The following ARRDC1 variants were observed in gnomAD, a reference collection of about 807,000 sequenced individuals.
ARRDC1 encodes arrestin domain containing 1.
Under a neutral mutation model 40.1 loss-of-function variants are expected in ARRDC1, and 37 were observed. The observed-to-expected ratio is 0.92, with a 90% confidence interval of 0.71 to 1.21. ARRDC1 has a LOEUF of 1.21. Among genes scored for constraint, ARRDC1 ranks in the 50% most tolerant of loss-of-function variants. The pLI is 0.00. For missense variants in ARRDC1, 641 were observed against 581.9 expected (o/e 1.10, Z -1.04); for synonymous variants, 310 against 262.5 (o/e 1.18, Z -1.75).
Position 137,615,348 on chromosome 9 carries a change from CTT to C in ARRDC1, c.*212_*213del. On this transcript the variant is annotated 3_prime_UTR_variant, in exon 8 of 8. Transcript: ENST00000371421. ...AGAGACAACTCCTGTAAATAAAACACTTTATTTGTAGAGCTGGGCCTCACCGG... is the reference window on the plus strand; with the variant it reads ...AGAGACAACTCCTGTAAATAAAACACTATTTGTAGAGCTGGGCCTCACCGG... 3.6e-6 allele frequency: 2 copies of C among 559,162 alleles called. No individual in the cohort carries two copies. The highest frequency in any genetic ancestry group is 6.0e-6 in the Non-Finnish European group (2 of 331,702). 34.6% of individuals were successfully genotyped at this position (559,162 alleles called of 1,614,324 possible). A position where few individuals can be genotyped will look rare whatever the true frequency, so the allele number is the denominator to read the frequency against.
At chr9:137,608,586 C>T (rs1485653114) in intron 1 of ARRDC1, among the ~76,000 whole-genome samples, 1 of 152,252 alleles carries the variant, frequency 6.6e-6, no homozygotes, top group Non-Finnish European at 1.5e-5. Flanking sequence ...GCTCTGGCTT[C>T]TCCGTGGGCA....
At chr9:137,606,159 C>G (rs2133323250) in intron 1 of ARRDC1, among the ~76,000 whole-genome samples, 2 of 152,002 alleles carry the variant, frequency 1.3e-5, no homozygotes, top group South Asian at 4.1e-4. Context: ...GGGCTCCTTC[C>G]CGCACCCTGG....
intron 5 of ARRDC1, 29 bp downstream of exon 5, chr9:137,614,243 G>A (rs564889718): frequency 2.8e-5 from 44 of 1,577,580 alleles, no homozygotes; most frequent in Non-Finnish European, 3.2e-5. Flanking sequence ...TGCCTGGACC[G>A]GCCTCCTGGG....
chr9:137,607,691 A>G (rs894720070), intron 1 of ARRDC1, among the ~76,000 whole-genome samples: 1 of 152,158 alleles, frequency 6.6e-6, no homozygotes, highest in African/African-American at 2.4e-5. Flanking sequence ...CTCTCATGAT[A>G]CAGATTTGGA....
rs148038871 is a variant in ARRDC1 at position 137,614,978 on chromosome 9, C to T, written c.1215C>T (p.Tyr405=). 40 of 1,613,588 alleles carry T rather than the reference C, an allele frequency of 2.5e-5. No homozygotes were observed. Among genetic ancestry groups the T allele is most frequent in the Non-Finnish European group, 3.2e-5 (38 of 1,179,924 alleles). ...GCACCTTGATTCTTCCTCCAGAGTA[C>T]AGTTCTTGGGGCTACCCCTATGGTG... is the stretch of plus-strand genomic sequence containing the variant. The part of the protein sequence containing the change: ...TTSTLILPPE[Y]SSWGYPYEAP... Residue 405 remains tyrosine, a synonymous_variant, in exon 7 of 8, where the codon TAC becomes TAT. Transcript: ENST00000371421.
At chr9:137,611,089 T>C (rs985011098) in intron 1 of ARRDC1, among the ~76,000 whole-genome samples, 2 of 152,236 alleles carry the variant, frequency 1.3e-5, no homozygotes, top group African/African-American at 4.8e-5. Context: ...AGGCCTCCTC[T>C]CCTTGCTTCA....
In ARRDC1 at chr9:137,614,671, C is replaced by T. The variant is rs763122331; in HGVS notation, c.908C>T (p.Ala303Val). Residue 303 changes from alanine to valine, a missense_variant, in exon 7 of 8, where the codon GCC becomes GTC. Ala to Val is a moderately conservative substitution (Grantham distance 64). Coordinates refer to ENST00000371421, the MANE Select transcript of ARRDC1 (RefSeq NM_152285.4). ...PRPGLGLPPG[A>V]PPLVVPSAPP... ...CCAGGCCTGGGGCTGCCTCCTGGGG[C>T]CCCACCCCTGGTGGTGCCTTCCGCA... 1 of 1,612,496 alleles carries T rather than the reference C, an allele frequency of 6.2e-7. No homozygotes were observed. The highest frequency in any genetic ancestry group is 1.1e-5 in the South Asian group (1 of 91,046).
intron 1 of ARRDC1, among the ~76,000 whole-genome samples, chr9:137,608,137 C>G (rs997053388): frequency 6.6e-5 from 10 of 152,192 alleles, no homozygotes; most frequent in Non-Finnish European, 1.5e-4. Context: ...CGCCCGCCAC[C>G]ACACCCGGCT....
At chr9:137,612,493 C>CT (rs1842548059) in intron 1 of ARRDC1, 1 of 225,646 alleles carries the variant, frequency 4.4e-6, no homozygotes, top group South Asian at 5.3e-5. Flanking sequence ...CCCTGCCTGA[C>CT]TGACTTGTCC....
intron 1 of ARRDC1, among the ~76,000 whole-genome samples, chr9:137,608,199 T>C (rs1413302067): frequency 6.6e-6 from 1 of 152,028 alleles, no homozygotes; most frequent in Admixed American, 6.6e-5. Flanking sequence ...GCCAGGAGGG[T>C]CTGGATCTCC....
chr9:137,610,666 C>T (rs184896558), intron 1 of ARRDC1, among the ~76,000 whole-genome samples: 3,417 of 151,228 alleles, frequency 0.023, 58 homozygotes, highest in South Asian at 0.036. Context: ...CAGGTTCAAG[C>T]GATTCTCCTG....
chr9:137,613,110 C>G (rs1273279478), intron 2 of ARRDC1, 104 bp downstream of exon 2: 8 of 933,662 alleles, frequency 8.6e-6, no homozygotes, highest in Non-Finnish European at 1.2e-5. Context: ...CCTCTTGGAT[C>G]TGGCACTGGC....
chr9:137,610,567 T>C (rs1842496883), intron 1 of ARRDC1, among the ~76,000 whole-genome samples: 1 of 143,440 alleles, frequency 7.0e-6, no homozygotes, highest in South Asian at 2.3e-4. Context: ...GGCTAATTTT[T>C]GTATTTTTTT....
chr9:137,609,406 G>A (rs1842475006), intron 1 of ARRDC1, among the ~76,000 whole-genome samples: 2 of 151,362 alleles, frequency 1.3e-5, no homozygotes, highest in Non-Finnish European at 2.9e-5. Flanking sequence ...GGCTAATTTT[G>A]TATTTTTAGT....
rs753374852 is a variant in ARRDC1, at chr9:137,614,363, C to T, written c.683C>T (p.Ala228Val). The change falls in exon 6 of 8, where the codon GCG (alanine) becomes GTG (valine). Residue 228 changes from alanine to valine, a missense_variant. By Grantham distance (64) the Ala-to-Val change is moderately conservative (BLOSUM62 0). Transcript: ENST00000371421. ...DVRTIAEVEGAGVKAWRRAQW... is the reference protein window; with the variant it reads ...DVRTIAEVEGVGVKAWRRAQW... Reference sequence around the variant, plus strand: ...CGGACCATTGCGGAGGTGGAGGGTGCGGGCGTCAAGGCCTGGCGGCGGGCG... The same window carrying T: ...CGGACCATTGCGGAGGTGGAGGGTGTGGGCGTCAAGGCCTGGCGGCGGGCG... 126 of 1,612,650 alleles carry T rather than the reference C, an allele frequency of 7.8e-5. No individual in the cohort carries two copies. The highest frequency in any genetic ancestry group is 1.8e-4 in the South Asian group (16 of 90,942).
At chr9:137,607,623 C>G (rs1348997305) in intron 1 of ARRDC1, among the ~76,000 whole-genome samples, 1 of 152,216 alleles carries the variant, frequency 6.6e-6, no homozygotes, top group Admixed American at 6.5e-5. Flanking sequence ...ATTCTCTCCA[C>G]GTGCCACGGG....
intron 1 of ARRDC1, among the ~76,000 whole-genome samples, chr9:137,608,750 GTTT>G (rs1842464858): frequency 6.6e-6 from 1 of 152,264 alleles, no homozygotes; most frequent in Admixed American, 6.5e-5. Flanking sequence ...AGCTCCAGGT[GTTT>G]TGGCAGGGAA....
chr9:137,610,642 C>T (rs1020957151), intron 1 of ARRDC1, among the ~76,000 whole-genome samples: 2 of 152,020 alleles, frequency 1.3e-5, no homozygotes, highest in South Asian at 2.1e-4. Flanking sequence ...CGGCTCACTG[C>T]AACCTCCGCC....
chr9:137,612,399 C>A (rs1283723102), intron 1 of ARRDC1: 1 of 173,750 alleles, frequency 5.8e-6, no homozygotes, highest in African/African-American at 2.4e-5. Context: ...GACTGTGGAA[C>A]ACTGTGTCTG....
Sources: allele counts gnomAD v4.1 joint callset (sites outside exome capture counted in the v4.1 genomes callset), GRCh38; gene constraint gnomAD v4.1.1; transcripts MANE v1.5; gene names NCBI Gene and HGNC (gene_info 2026-07-23, HGNC 2026-07-21).